The following ZBTB38 variants were observed in gnomAD, a reference collection of about 807,000 sequenced individuals.
ZBTB38 encodes the protein zinc finger and BTB domain containing 38.
ZBTB38 carries 20 observed loss-of-function variants against 76.8 expected under a neutral mutation model. The ratio of observed to expected loss-of-function variants is 0.26; its 90% CI spans 0.18 to 0.38. The LOEUF (loss-of-function observed/expected upper bound fraction) is 0.38, where lower values mean the gene tolerates loss of function less well. Among genes scored for constraint, ZBTB38 ranks in the 10% least tolerant of loss-of-function variants. The pLI, the probability that ZBTB38 is intolerant of heterozygous loss-of-function variation, is 1.00. For missense variants in ZBTB38, 1,082 were observed against 1,482.3 expected (o/e 0.73, Z 4.43); for synonymous variants, 504 against 544.2 (o/e 0.93, Z 1.03).
intron 3 of ZBTB38, among the ~76,000 whole-genome samples, chr3:141,383,164 G>T (rs1352843471): frequency 5.3e-5 from 8 of 152,178 alleles, no homozygotes; most frequent in Non-Finnish European, 1.2e-4. Flanking sequence ...GAAGGCAGAA[G>T]TTCCTGCCCA....
chr3:141,345,203 G>C (rs367929681), intron 1 of ZBTB38, among the ~76,000 whole-genome samples: 2 of 152,284 alleles, frequency 1.3e-5, no homozygotes, highest in African/African-American at 4.8e-5. Context: ...ATAGATGTAT[G>C]GCTTAGGAAG....
intron 4 of ZBTB38, among the ~76,000 whole-genome samples, chr3:141,393,534 T>G (rs1949509677): frequency 6.6e-6 from 1 of 152,096 alleles, no homozygotes; most frequent in African/African-American, 2.4e-5. Context: ...CATGGAAAGA[T>G]TCTCTGAAGT....
At chr3:141,334,489 C>T (rs1942958530) in intron 1 of ZBTB38, among the ~76,000 whole-genome samples, 1 of 147,602 alleles carries the variant, frequency 6.8e-6, no homozygotes, top group Non-Finnish European at 1.5e-5. Flanking sequence ...TCCTTTCTTC[C>T]TTCCTTCCTT....
Position 141,445,218 on chromosome 3 carries a change from G to A in ZBTB38, c.2830G>A (p.Gly944Arg), listed in dbSNP as rs1288455706. 7 of 1,614,038 alleles carry A rather than the reference G, an allele frequency of 4.3e-6. No individual in the cohort carries two copies. In the Admixed American group the frequency reaches 5.0e-5, roughly 12 times the overall value. The change falls in exon 6 of 6, where the codon GGA becomes AGA. Residue 944 changes from glycine to arginine, a missense_variant. Gly to Arg is a moderately radical substitution (Grantham distance 125). Around this residue, in one of 8 missense-constraint regions of ZBTB38, gnomAD observed 471 missense variants for 581.0 expected, o/e 0.81. Coordinates refer to ENST00000321464, the MANE Select transcript of ZBTB38 (RefSeq NM_001376113.1). The surrounding 1 kb of genome is among the most constrained non-coding windows in gnomAD (Gnocchi z 6.5). Reference protein sequence around the residue: ...MRKVNWRKEHGNRSPSHKCKY... With the variant: ...MRKVNWRKEHRNRSPSHKCKY... ...GAAAGTCAACTGGAGGAAGGAGCAC[G>A]GAAACAGGAGCCCGAGCCATAAATG...
At chr3:141,325,501 ATTCT>A (rs949234417) in intron 1 of ZBTB38, among the ~76,000 whole-genome samples, 1 of 152,190 alleles carries the variant, frequency 6.6e-6, no homozygotes, top group Non-Finnish European at 1.5e-5. Context: ...AGACTAAGGG[ATTCT>A]TTCTTCAGCA....
intron 1 of ZBTB38, among the ~76,000 whole-genome samples, chr3:141,342,189 G>A (rs1943215908): frequency 6.6e-6 from 1 of 152,014 alleles, no homozygotes. Context: ...GCCAGGCGTG[G>A]TGGTGCGTGC....
At chr3:141,333,093 A>G (rs1432438414) in intron 1 of ZBTB38, among the ~76,000 whole-genome samples, 1 of 152,192 alleles carries the variant, frequency 6.6e-6, no homozygotes, top group African/African-American at 2.4e-5. Context: ...TGAGTTCTAC[A>G]AGGGGTTGGA....
In ZBTB38 at chr3:141,443,563, T is replaced by A; in HGVS notation, c.1175T>A (p.Ile392Asn). ...AACAGGTTGGATCGGCATGAACAGATCTGCATGAGGTCAAGCCACATGCCC... is the reference window on the plus strand; with the variant it reads ...AACAGGTTGGATCGGCATGAACAGAACTGCATGAGGTCAAGCCACATGCCC... ...TLNRLDRHEQ[I>N]CMRSSHMPIP... The change falls in exon 6 of 6, where the codon ATC (isoleucine) becomes AAC (asparagine). Residue 392 changes from isoleucine (I) to asparagine (N), a missense_variant. Physicochemically the swap from Ile to Asn is moderately radical, Grantham distance 149. Around this residue, in one of 8 missense-constraint regions of ZBTB38, gnomAD observed 324 missense variants for 359.1 expected, o/e 0.90. Coordinates refer to ENST00000321464, the MANE Select transcript of ZBTB38 (RefSeq NM_001376113.1). This position sits in a 1 kb window ranked among gnomAD's most constrained non-coding sequence, Gnocchi z 5.6. 6.2e-7 allele frequency: 1 copy of A among 1,614,210 alleles called. No individual in the cohort carries two copies. Among genetic ancestry groups the A allele is most frequent in the Non-Finnish European group, 8.5e-7 (1 of 1,180,038 alleles).
chr3:141,331,773 A>C (rs1454757258), intron 1 of ZBTB38, among the ~76,000 whole-genome samples: 1 of 152,180 alleles, frequency 6.6e-6, no homozygotes, highest in Non-Finnish European at 1.5e-5. Flanking sequence ...GAAAGATCTG[A>C]GAAGCGCTGA....
At chr3:141,407,786 T>C (rs1955107654) in intron 5 of ZBTB38, among the ~76,000 whole-genome samples, 1 of 152,264 alleles carries the variant, frequency 6.6e-6, no homozygotes, top group African/African-American at 2.4e-5. Flanking sequence ...AGATTTGAGA[T>C]GCTAGTTTCA....
intron 5 of ZBTB38, among the ~76,000 whole-genome samples, chr3:141,407,831 A>G (rs1955131824): frequency 6.6e-6 from 1 of 152,278 alleles, no homozygotes; most frequent in South Asian, 2.1e-4. Context: ...TCTATACTCA[A>G]AATTTTTATA....
chr3:141,350,645 A>G (rs1055577809), intron 1 of ZBTB38, among the ~76,000 whole-genome samples: 4 of 152,218 alleles, frequency 2.6e-5, no homozygotes, highest in Non-Finnish European at 5.9e-5. Flanking sequence ...GAAAGGATGT[A>G]TAGGTGATCA....
intron 1 of ZBTB38, among the ~76,000 whole-genome samples, chr3:141,326,830 G>C (rs79973366): frequency 1.3e-5 from 2 of 152,116 alleles, no homozygotes; most frequent in African/African-American, 4.8e-5. Context: ...CTTGAGGGGG[G>C]TGGTGTCATT....
At chr3:141,407,997 C>G (rs1014207758) in intron 5 of ZBTB38, among the ~76,000 whole-genome samples, 11 of 152,176 alleles carry the variant, frequency 7.2e-5, no homozygotes, top group Admixed American at 3.9e-4. Context: ...GCCTGCAAAC[C>G]AGTTTCTTTT....
chr3:141,424,669 G>A (rs1381064089), intron 5 of ZBTB38, among the ~76,000 whole-genome samples: 3 of 152,014 alleles, frequency 2.0e-5, no homozygotes, highest in Admixed American at 1.3e-4. Context: ...TGTGTGTGGT[G>A]GCCAAAGCTC....
At chr3:141,360,219 C>T (rs1360456130) in intron 1 of ZBTB38, among the ~76,000 whole-genome samples, 1 of 152,226 alleles carries the variant, frequency 6.6e-6, no homozygotes, top group Non-Finnish European at 1.5e-5. Context: ...CCTCTAATGT[C>T]TGTCATAGAC....
At chr3:141,400,858 G>A (rs1299232007) in intron 4 of ZBTB38, among the ~76,000 whole-genome samples, 1 of 152,218 alleles carries the variant, frequency 6.6e-6, no homozygotes, top group African/African-American at 2.4e-5. Context: ...AAGTGGCCTT[G>A]TAAGCAACAA....
chr3:141,346,591 GTGTAAAGTTTTAC>G (rs1943360697), intron 1 of ZBTB38, among the ~76,000 whole-genome samples: 1 of 152,052 alleles, frequency 6.6e-6, no homozygotes, highest in Non-Finnish European at 1.5e-5. Flanking sequence ...CTTCCTCTTG[GTGTAAAGTTTTAC>G]TGAATAAAGG....
Position 141,444,183 on chromosome 3 carries a change from G to T in ZBTB38, c.1795G>T (p.Ala599Ser), listed in dbSNP as rs752475828. The change falls in exon 6 of 6, where the codon GCA becomes TCA. Residue 599 changes from alanine (A) to serine (S), a missense_variant. Coordinates refer to ENST00000321464, the MANE Select transcript of ZBTB38 (RefSeq NM_001376113.1). The surrounding 1 kb of genome is among the most constrained non-coding windows in gnomAD (Gnocchi z 5.1). The stretch of plus-strand genomic sequence containing the variant: ...AGAAAACAGTCAAATGAATGAGTCT[G>T]CACCTGGTACCTATGTTGTTCAGAA... ...ARENSQMNES[A>S]PGTYVVQNPH... 6.2e-7 allele frequency: 1 copy of T among 1,614,156 alleles called. No homozygotes were observed. Among genetic ancestry groups the T allele is most frequent in the Non-Finnish European group, 8.5e-7 (1 of 1,180,044 alleles).
Sources: allele counts gnomAD v4.1 joint callset (sites outside exome capture counted in the v4.1 genomes callset), GRCh38; gene constraint gnomAD v4.1.1; regional missense constraint gnomAD v4.1.1; non-coding constraint Gnocchi (gnomAD v3.1); transcripts MANE v1.5; gene names NCBI Gene and HGNC (gene_info 2026-07-23, HGNC 2026-07-21).